Variants in GRXCR1 observed in about 807,000 individuals in gnomAD.
GRXCR1 encodes the protein glutaredoxin and cysteine rich domain containing 1, also known as glutaredoxin domain-containing cysteine-rich protein 1.
A neutral mutation model predicts 27.3 loss-of-function variants in GRXCR1; 27 were observed. The ratio of observed to expected loss-of-function variants is 0.99; its 90% confidence interval spans 0.73 to 1.37. The LOEUF (loss-of-function observed/expected upper bound fraction) is 1.37, where lower values mean the gene tolerates loss of function less well. GRXCR1 is among the 40% of genes most tolerant of loss of function. The pLI is 0.00. For synonymous variants in GRXCR1, 122 were observed against 131.1 expected, an observed-to-expected ratio of 0.93 and a Z score of 0.47; for missense variants, 379 against 354.4, an observed-to-expected ratio of 1.07 and a Z score of -0.56.
At position 43,009,841 on chromosome 4, in the gene GRXCR1, T is replaced by C. The variant is rs543447722; in HGVS notation, c.628-10513T>C. 7.2e-5 allele frequency among the ~76,000 whole-genome samples: 11 copies of C among 152,318 alleles called. No homozygotes were observed. In the South Asian group the frequency reaches 2.1e-3, roughly 29 times the overall value. ...GCTGTAGACATTCATTCTACAGCAA[T>C]ACATTTCTCTATATATATTTTCTAT... On this transcript the variant is annotated intron_variant, in intron 2 of 3. Coordinates refer to ENST00000399770, the MANE Select transcript of GRXCR1 (RefSeq NM_001080476.3).
intron 1 of GRXCR1, among the ~76,000 whole-genome samples, chr4:42,896,889 C>G (rs538058770): frequency 1.3e-5 from 2 of 151,898 alleles, no homozygotes; most frequent in South Asian, 4.2e-4. Context: ...AAAGGTTATC[C>G]CAACAGCCAT....
chr4:43,021,926 C>T (rs1713104894), intron 3 of GRXCR1, among the ~76,000 whole-genome samples: 2 of 152,146 alleles, frequency 1.3e-5, no homozygotes, highest in South Asian at 2.1e-4. Context: ...CTGCTTCTGG[C>T]TGTGTGACTT....
intron 2 of GRXCR1, among the ~76,000 whole-genome samples, chr4:42,986,379 T>G (rs1711724195): frequency 6.6e-6 from 1 of 152,194 alleles, no homozygotes; most frequent in African/African-American, 2.4e-5. Context: ...TTAACAAGGT[T>G]GAGTGGGCCC....
chr4:42,993,739 C>T (rs1205860088), intron 2 of GRXCR1, among the ~76,000 whole-genome samples: 1 of 152,072 alleles, frequency 6.6e-6, no homozygotes, highest in Non-Finnish European at 1.5e-5. Context: ...ATCATTTCCA[C>T]ACCACAGAAA....
chr4:42,893,758 G>T, intron 1 of GRXCR1, 108 bp downstream of exon 1: 1 of 1,023,390 alleles, frequency 9.8e-7, no homozygotes, highest in Non-Finnish European at 1.5e-6. Flanking sequence ...ACTCCTACAT[G>T]CTTCATGAGA....
intron 2 of GRXCR1, among the ~76,000 whole-genome samples, chr4:42,992,754 T>C (rs1712016613): frequency 6.6e-6 from 1 of 152,052 alleles, no homozygotes; most frequent in South Asian, 2.1e-4. Flanking sequence ...TAAGGTGAGG[T>C]GATTGTGAGT....
At chr4:42,895,274 T>C (rs1391185949) in intron 1 of GRXCR1, among the ~76,000 whole-genome samples, 2 of 152,112 alleles carry the variant, frequency 1.3e-5, no homozygotes, top group African/African-American at 4.8e-5. Flanking sequence ...AAAAAAGCAA[T>C]AAAACTGCCT....
At chr4:42,994,605 A>T (rs1397898688) in intron 2 of GRXCR1, among the ~76,000 whole-genome samples, 4 of 152,150 alleles carry the variant, frequency 2.6e-5, no homozygotes, top group African/African-American at 9.7e-5. Flanking sequence ...AACAAACCTT[A>T]CTAATCATGC....
At chr4:42,921,039 A>C (rs1746998160) in intron 1 of GRXCR1, among the ~76,000 whole-genome samples, 1 of 152,128 alleles carries the variant, frequency 6.6e-6, no homozygotes, top group Admixed American at 6.6e-5. Context: ...AATGGTCTGA[A>C]TGTGTCCCTT....
chr4:42,923,058 T>A (rs1747056547), intron 1 of GRXCR1, among the ~76,000 whole-genome samples: 1 of 152,146 alleles, frequency 6.6e-6, no homozygotes, highest in South Asian at 2.1e-4. Context: ...GACATTAGTC[T>A]GCTTTCTCAC....
chr4:42,993,681 G>T (rs533053590), intron 2 of GRXCR1, among the ~76,000 whole-genome samples: 1 of 152,054 alleles, frequency 6.6e-6, no homozygotes. Context: ...AGTGAAAAGC[G>T]TAATCGGGTT....
intron 1 of GRXCR1, among the ~76,000 whole-genome samples, chr4:42,901,132 G>T (rs982591346): frequency 6.6e-6 from 1 of 152,112 alleles, no homozygotes; most frequent in East Asian, 1.9e-4. Flanking sequence ...ATGGTCATTG[G>T]CATCCACATT....
intron 1 of GRXCR1, among the ~76,000 whole-genome samples, chr4:42,913,513 A>G (rs939126625): frequency 1.3e-5 from 2 of 152,212 alleles, no homozygotes; most frequent in East Asian, 3.9e-4. Context: ...GATTTAGGTT[A>G]TCTGGCAGAA....
intron 2 of GRXCR1, among the ~76,000 whole-genome samples, chr4:42,965,516 T>C (rs1432049814): frequency 6.6e-6 from 1 of 152,064 alleles, no homozygotes; most frequent in Non-Finnish European, 1.5e-5. Context: ...GCACTATGCA[T>C]GCATCTGAAA....
At chr4:43,013,697 G>A (rs1326372676) in intron 2 of GRXCR1, among the ~76,000 whole-genome samples, 1 of 152,152 alleles carries the variant, frequency 6.6e-6, no homozygotes, top group Admixed American at 6.6e-5. Context: ...GAGAATCTGG[G>A]GAAGCAGACA....
intron 3 of GRXCR1, among the ~76,000 whole-genome samples, chr4:43,029,713 T>A (rs1160275466): frequency 2.6e-5 from 4 of 152,200 alleles, no homozygotes; most frequent in African/African-American, 9.7e-5. Context: ...TCTCTAAATT[T>A]CTGTGTTTGT....
At chr4:42,999,530 G>A (rs1455743532) in intron 2 of GRXCR1, among the ~76,000 whole-genome samples, 1 of 152,072 alleles carries the variant, frequency 6.6e-6, no homozygotes, top group African/African-American at 2.4e-5. Context: ...TAAAAACAAA[G>A]CATCTTTCTT....
Position 42,892,950 on chromosome 4 carries a change from C to T in GRXCR1, c.-317C>T, listed in dbSNP as rs1017035345. On this transcript the variant is annotated 5_prime_UTR_variant, in exon 1 of 4. Transcript: ENST00000399770. ...AAGCCTTTCATTTTCTTGCCCCATACATATTTTCAGATTCGCTGCATGCCA... is the reference window on the plus strand; with the variant it reads ...AAGCCTTTCATTTTCTTGCCCCATATATATTTTCAGATTCGCTGCATGCCA... Among the ~76,000 whole-genome samples, 3 of 152,120 alleles carry T rather than the reference C, an allele frequency of 2.0e-5. No homozygotes were observed. Among genetic ancestry groups the T allele is most frequent in the African/African-American group, 7.2e-5 (3 of 41,434 alleles).
At chr4:43,025,846 G>T (rs1295633237) in intron 3 of GRXCR1, among the ~76,000 whole-genome samples, 2 of 151,984 alleles carry the variant, frequency 1.3e-5, no homozygotes, top group African/African-American at 4.8e-5. Flanking sequence ...CAGGGTGGTG[G>T]GCGCCTGTAG....
Sources: gnomAD v4.1 joint callset for allele counts (sites outside exome capture counted in the v4.1 genomes callset) on GRCh38, gnomAD v4.1.1 for gene constraint, MANE v1.5 for transcripts, NCBI Gene and HGNC (gene_info 2026-07-23, HGNC 2026-07-21) for gene names.